The following CIRSR variants were observed in gnomAD, a reference collection of about 807,000 sequenced individuals.
The protein encoded by CIRSR is corepressor of RBPJ and splicing regulator.
chr2:174,378,974 A>G, the CIRSR span: 2 of 1,613,896 alleles, frequency 1.2e-6, no homozygotes, highest in Non-Finnish European at 1.7e-6. Context: ...AGACCAAACA[A>G]AGGACATTCT....
the CIRSR span, among the ~76,000 whole-genome samples, chr2:174,391,879 T>A: frequency 6.6e-6 from 1 of 152,340 alleles, no homozygotes; most frequent in South Asian, 2.1e-4. Flanking sequence ...ACAGATTGCA[T>A]GATTCCATTT....
the CIRSR span, among the ~76,000 whole-genome samples, chr2:174,359,272 G>GT: frequency 6.6e-6 from 1 of 150,842 alleles, no homozygotes; most frequent in East Asian, 1.9e-4. Context: ...AGGGATGTTG[G>GT]TTACCTGGGT....
chr2:174,372,791 A>G, the CIRSR span, among the ~76,000 whole-genome samples: 2 of 152,166 alleles, frequency 1.3e-5, no homozygotes, highest in South Asian at 2.1e-4. Context: ...AGTGTTGTCC[A>G]GGCTGGTCTC....
the CIRSR span, among the ~76,000 whole-genome samples, chr2:174,392,742 C>T: frequency 2.6e-5 from 4 of 152,140 alleles, no homozygotes; most frequent in South Asian, 8.3e-4. Flanking sequence ...TATTTCTACC[C>T]ATATGAGATA....
At chr2:174,392,049 G>T in the CIRSR span, among the ~76,000 whole-genome samples, 1 of 152,174 alleles carries the variant, frequency 6.6e-6, no homozygotes, top group East Asian at 1.9e-4. Context: ...CCAGGCTGGA[G>T]TGCAGTGGCG....
the CIRSR span, among the ~76,000 whole-genome samples, chr2:174,354,488 TTA>T: frequency 1.3e-5 from 1 of 78,910 alleles, no homozygotes; most frequent in Non-Finnish European, 2.3e-5. Flanking sequence ...ATATATTATA[TTA>T]TATAAATTAT....
chr2:174,352,109 G>A, the CIRSR span: 1 of 160,918 alleles, frequency 6.2e-6, no homozygotes, highest in Non-Finnish European at 1.4e-5. Context: ...ATTTTTAAAG[G>A]TACATGAGGA....
chr2:174,391,688 AT>A, the CIRSR span, among the ~76,000 whole-genome samples: 7 of 152,234 alleles, frequency 4.6e-5, no homozygotes, highest in African/African-American at 1.7e-4. Flanking sequence ...ATCCTGTAAT[AT>A]TTTAATAACA....
chr2:174,387,395 C>T, the CIRSR span: 1 of 233,932 alleles, frequency 4.3e-6, no homozygotes, highest in Non-Finnish European at 8.2e-6. Flanking sequence ...TAAGAGGTCT[C>T]AGCAGTTCAA....
the CIRSR span, among the ~76,000 whole-genome samples, chr2:174,371,255 GGT>G: frequency 6.6e-6 from 1 of 152,150 alleles, no homozygotes; most frequent in South Asian, 2.1e-4. Context: ...GCTTCAAATA[GGT>G]AAATTGTATG....
the CIRSR span, among the ~76,000 whole-genome samples, chr2:174,384,413 G>A: frequency 6.6e-6 from 1 of 152,250 alleles, no homozygotes; most frequent in South Asian, 2.1e-4. Flanking sequence ...TGGTTACAAA[G>A]TTTCTGTTTG....
At chr2:174,382,184 G>A in the CIRSR span, among the ~76,000 whole-genome samples, 6 of 152,162 alleles carry the variant, frequency 3.9e-5, no homozygotes, top group African/African-American at 1.2e-4. Flanking sequence ...GGGATCAAAC[G>A]GTTTTGTTTT....
At chr2:174,379,084 A>C in the CIRSR span, 3 of 1,307,272 alleles carry the variant, frequency 2.3e-6, no homozygotes, top group African/African-American at 2.9e-5. Flanking sequence ...AAAAGTAAGA[A>C]TCTAACCAAT....
the CIRSR span, chr2:174,348,555 T>TC: frequency 2.5e-6 from 4 of 1,614,152 alleles, no homozygotes; most frequent in Non-Finnish European, 3.4e-6. Flanking sequence ...GTACATTTTT[T>TC]CTCCTCTATA....
the CIRSR span, among the ~76,000 whole-genome samples, chr2:174,362,634 C>T: frequency 7.4e-6 from 1 of 135,956 alleles, no homozygotes; most frequent in South Asian, 2.4e-4. Context: ...TTGCAGTGAG[C>T]CGAGATCACG....
the CIRSR span, chr2:174,379,074 A>G: frequency 6.9e-7 from 1 of 1,441,526 alleles, no homozygotes; most frequent in Non-Finnish European, 9.8e-7. Flanking sequence ...TGGTTACTAA[A>G]AAAGTAAGAA....
chr2:174,378,890 C>T, the CIRSR span: 1 of 1,421,156 alleles, frequency 7.0e-7, no homozygotes, highest in Non-Finnish European at 9.9e-7. Flanking sequence ...CCTTGTTTGT[C>T]CTCTCCCGAA....
At chr2:174,379,260 C>T in the CIRSR span, among the ~76,000 whole-genome samples, 1 of 152,136 alleles carries the variant, frequency 6.6e-6, no homozygotes. Flanking sequence ...TTTTGCCTCT[C>T]ACTTGGTGGC....
At chr2:174,381,594 T>C in the CIRSR span, 153 of 709,500 alleles carry the variant, frequency 2.2e-4, 1 homozygote, top group South Asian at 3.1e-3. Context: ...TGGATGGAGG[T>C]TGTAGTGTGC....
Sources: allele counts gnomAD v4.1 joint callset (sites outside exome capture counted in the v4.1 genomes callset), GRCh38; gene constraint gnomAD v4.1.1; transcripts MANE v1.5; gene names NCBI Gene and HGNC (gene_info 2026-07-23, HGNC 2026-07-21).